SAMHD1: variants seen among roughly 807,000 people sequenced by gnomAD.
SAMHD1 encodes SAM and HD domain containing deoxynucleoside triphosphate triphosphohydrolase 1.
In SAMHD1, 54 loss-of-function variants were observed where a neutral mutation model predicts 79.6. The observed-to-expected ratio is 0.68, with a 90% CI of 0.55 to 0.85. The LOEUF is 0.85. Ranked by LOEUF, SAMHD1 falls within the 40% of genes least tolerant of loss-of-function variation. The pLI is 0.00. For missense variants in SAMHD1, 663 were observed against 782.7 expected, an observed-to-expected ratio of 0.85 and a Z score of 1.82; for synonymous variants, 260 against 264.1, an observed-to-expected ratio of 0.98 and a Z score of 0.15.
intron 2 of SAMHD1, among the ~76,000 whole-genome samples, chr20:36,944,263 C>T (rs1226245969): frequency 6.7e-6 from 1 of 149,754 alleles, no homozygotes; most frequent in Non-Finnish European, 1.5e-5. Context: ...AGGAGAATCA[C>T]TTGAACACCA....
intron 2 of SAMHD1, among the ~76,000 whole-genome samples, chr20:36,944,026 C>T (rs567898373): frequency 1.2e-4 from 16 of 128,912 alleles, no homozygotes; most frequent in Admixed American, 6.9e-4. Context: ...TGCAGTGAGC[C>T]GAGATCACGC....
intron 1 of SAMHD1, 149 bp downstream of exon 1, chr20:36,951,287 C>A: frequency 5.4e-6 from 6 of 1,112,320 alleles, no homozygotes; most frequent in Non-Finnish European, 7.5e-6. Context: ...TTCCTCGGCG[C>A]CCCCAGCGCA....
intron 13 of SAMHD1, among the ~76,000 whole-genome samples, chr20:36,901,642 G>A (rs1041983971): frequency 6.6e-6 from 1 of 151,846 alleles, no homozygotes; most frequent in African/African-American, 2.4e-5. Flanking sequence ...AGGCTGAGGT[G>A]GGAGGATCAC....
Position 36,904,878 on chromosome 20 carries a change from C to G in SAMHD1, c.1410+486G>C, listed in dbSNP as rs184435193. On this transcript the variant is annotated intron_variant, in intron 12 of 15. Transcript: ENST00000646673. Reference sequence around the variant, plus strand: ...TTACGGCTTTCTGGCAAACAGAAAACTCTTCAACAAGTAGGAGGTGAAAAT... The same window carrying G: ...TTACGGCTTTCTGGCAAACAGAAAAGTCTTCAACAAGTAGGAGGTGAAAAT... 1.6e-3 allele frequency: 290 copies of G among 181,974 alleles called. 1 individual carries two copies. The highest frequency in any genetic ancestry group is 6.4e-3 in the African/African-American group (267 of 41,948). 11.3% of individuals were successfully genotyped at this position (181,974 alleles called of 1,614,324 possible).
rs186235270 is a variant in SAMHD1, at chr20:36,909,151, G to A, written c.1270+2067C>T. Among the ~76,000 whole-genome samples, 1,118 of 151,938 alleles carry A rather than the reference G, an allele frequency of 7.4e-3. 7 individuals are homozygous for A. Among genetic ancestry groups the A allele is most frequent in the Non-Finnish European group, 0.011 (745 of 67,958 alleles). On this transcript the variant is annotated intron_variant, in intron 11 of 15. Transcript: ENST00000646673. ...TCATTTTTGTATTTTTAGTAGAGAC[G>A]GGGTTTTACAATTTTGGACAGGATG...
In SAMHD1 at chr20:36,946,898, A is replaced by C. The variant is rs931883806; in HGVS notation, c.209-94T>G. ...ACCAACATTTACCCAGATCCACATA[A>C]GTGAGTACCCACTGCAGGCAATGGA... is the stretch of plus-strand genomic sequence containing the variant. On this transcript the variant is annotated intron_variant, in intron 1 of 15. Transcript: ENST00000646673. 64 of 955,948 alleles carry C rather than the reference A, an allele frequency of 6.7e-5. No individual in the cohort carries two copies. In the African/African-American group the frequency reaches 7.9e-4, roughly 12 times the overall value. The allele number at this position is 955,948 out of a possible 1,614,324, so 59.2% of individuals were successfully genotyped here.
At chr20:36,918,451 T>C (rs1441383341) in intron 7 of SAMHD1, among the ~76,000 whole-genome samples, 1 of 150,016 alleles carries the variant, frequency 6.7e-6, no homozygotes, top group African/African-American at 2.5e-5. Context: ...AGACCACATC[T>C]CCAAAAAAAA....
At position 36,892,713 on chromosome 20, in the gene SAMHD1, A is replaced by G. The variant is rs1038629052; in HGVS notation, c.*219T>C. ...ACTACTGAAGGAGAAAGGCTTTAAT[A>G]ATATTAAAAATAGGCAAGGTAATGC... On this transcript the variant is annotated 3_prime_UTR_variant, in exon 16 of 16. Coordinates refer to ENST00000646673, the MANE Select transcript of SAMHD1 (RefSeq NM_015474.4). 1.6e-6 allele frequency: 1 copy of G among 626,540 alleles called. No homozygotes were observed. The highest frequency in any genetic ancestry group is 2.9e-6 in the Non-Finnish European group (1 of 349,498). The allele number at this position is 626,540 out of a possible 1,614,324, so 38.8% of individuals were successfully genotyped here.
intron 2 of SAMHD1, among the ~76,000 whole-genome samples, chr20:36,944,274 C>T (rs1017946694): frequency 2.0e-5 from 3 of 148,252 alleles, no homozygotes; most frequent in African/African-American, 7.5e-5. Context: ...TTGAACACCA[C>T]TGAACTTGAA....
intron 2 of SAMHD1, among the ~76,000 whole-genome samples, chr20:36,944,188 A>C (rs906655164): frequency 6.6e-6 from 1 of 151,844 alleles, no homozygotes; most frequent in Non-Finnish European, 1.5e-5. Context: ...TCTACTAAAA[A>C]TACAAAAAAT....
At chr20:36,898,410 A>G in intron 14 of SAMHD1, 30 bp downstream of exon 14, 2 of 1,463,748 alleles carry the variant, frequency 1.4e-6, no homozygotes, top group East Asian at 2.3e-5. Context: ...ACATGCCACT[A>G]TAGTATATTT....
At position 36,951,572 on chromosome 20, in the gene SAMHD1, G is replaced by T. The variant is rs774388693; in HGVS notation, c.72C>A (p.Asn24Lys). Residue 24 changes from asparagine to lysine, a missense_variant, in exon 1 of 16, where the codon AAC (asparagine) becomes AAA (lysine). Transcript: ENST00000646673. The part of the protein sequence containing the change: ...RCDDSPRTPS[N>K]TPSAEADWSP... The stretch of plus-strand genomic sequence containing the variant: ...ACCAGTCTGCCTCTGCGGAAGGGGT[G>T]TTTGAGGGGGTTCTCGGGCTGTCAT... 1 of 1,614,202 alleles carries T rather than the reference G, an allele frequency of 6.2e-7. No homozygotes were observed. Among genetic ancestry groups the T allele is most frequent in the Non-Finnish European group, 8.5e-7 (1 of 1,180,006 alleles).
At chr20:36,939,075 C>CAAAAAAAAAAAAAAAAAAAAAA (rs1178988134) in intron 3 of SAMHD1, among the ~76,000 whole-genome samples, 1 of 22,530 alleles carries the variant, frequency 4.4e-5, no homozygotes. Context: ...CTAAAAATAC[C>CAAAAAAAAAAAAAAAAAAAAAA]AAAAAAAAAA....
At chr20:36,927,950 C>T (rs2063546303) in intron 5 of SAMHD1, among the ~76,000 whole-genome samples, 2 of 152,214 alleles carry the variant, frequency 1.3e-5, no homozygotes, top group South Asian at 2.1e-4. Context: ...CCTCAGCCAC[C>T]TGAATAGCTG....
At chr20:36,919,578 C>A in intron 6 of SAMHD1, 59 bp from the exon 7 acceptor site, 5 of 1,505,546 alleles carry the variant, frequency 3.3e-6, no homozygotes, top group Middle Eastern at 2.1e-4. Flanking sequence ...GGAGCCCTGA[C>A]TAACAAAATT....
intron 11 of SAMHD1, 119 bp from the exon 12 acceptor site, chr20:36,905,622 AT>A: frequency 1.1e-6 from 1 of 883,520 alleles, no homozygotes; most frequent in Non-Finnish European, 1.8e-6. Context: ...GTACATTATT[AT>A]TTTAGCAATG....
intron 14 of SAMHD1, among the ~76,000 whole-genome samples, 158 bp downstream of exon 14, chr20:36,898,282 C>G (rs964124387): frequency 1.4e-4 from 21 of 152,262 alleles, no homozygotes; most frequent in Admixed American, 3.9e-4. Context: ...CCTGCTTCAG[C>G]CTCCCAAAAC....
chr20:36,902,156 C>T (rs567988680), intron 13 of SAMHD1, among the ~76,000 whole-genome samples: 1 of 151,976 alleles, frequency 6.6e-6, no homozygotes, highest in African/African-American at 2.4e-5. Flanking sequence ...GGAGGGAGGA[C>T]AGTTTGAAAT....
chr20:36,947,715 T>G (rs1028759416), intron 1 of SAMHD1, among the ~76,000 whole-genome samples: 6 of 152,128 alleles, frequency 3.9e-5, no homozygotes, highest in African/African-American at 1.2e-4. Context: ...TTGCCCAGGT[T>G]GGAGTGCAGT....
Sources: gnomAD v4.1 joint callset for allele counts (sites outside exome capture counted in the v4.1 genomes callset) on GRCh38, gnomAD v4.1.1 for gene constraint, MANE v1.5 for transcripts, NCBI Gene and HGNC (gene_info 2026-07-23, HGNC 2026-07-21) for gene names.